LTBP1: variants seen among roughly 807,000 people sequenced by gnomAD.
LTBP1 encodes the protein latent-transforming growth factor beta-binding protein 1.
In LTBP1, 129 loss-of-function variants were observed where a neutral mutation model predicts 207.6. The observed-to-expected ratio is 0.62, with a 90% CI of 0.54 to 0.72. The LOEUF is 0.72. Among genes scored for constraint, LTBP1 ranks in the 30% least tolerant of loss-of-function variants. LTBP1 has a pLI of 0.00. For missense variants in LTBP1, 2,281 were observed against 2,217.2 expected, an observed-to-expected ratio of 1.03 and a Z score of -0.58; for synonymous variants, 963 against 833.7, an observed-to-expected ratio of 1.16 and a Z score of -2.67.
At chr2:33,375,722 T>C (rs923576031) in intron 31 of LTBP1, among the ~76,000 whole-genome samples, 151 of 150,594 alleles carry the variant, frequency 1.0e-3, no homozygotes, top group African/African-American at 3.6e-3. Context: ...TTTTTTTTTT[T>C]TAGTAGAGAC....
chr2:33,214,404 G>T (rs2090532707), intron 7 of LTBP1, among the ~76,000 whole-genome samples: 1 of 152,128 alleles, frequency 6.6e-6, no homozygotes, highest in African/African-American at 2.4e-5. Context: ...GTTCCCGTTT[G>T]TTCTCACGTT....
At chr2:33,185,530 A>C (rs977636899) in intron 5 of LTBP1, among the ~76,000 whole-genome samples, 1 of 152,024 alleles carries the variant, frequency 6.6e-6, no homozygotes, top group Non-Finnish European at 1.5e-5. Flanking sequence ...GTGTAGAGTC[A>C]GTGAAGAAGA....
intron 2 of LTBP1, among the ~76,000 whole-genome samples, chr2:33,010,604 C>G (rs1395141997): frequency 6.6e-6 from 1 of 152,046 alleles, no homozygotes; most frequent in Non-Finnish European, 1.5e-5. Context: ...CACACATTCT[C>G]TGCAGGTAAC....
At chr2:33,030,317 A>G (rs145639483) in intron 3 of LTBP1, among the ~76,000 whole-genome samples, 146 of 152,224 alleles carry the variant, frequency 9.6e-4, no homozygotes, top group African/African-American at 3.3e-3. Flanking sequence ...CACTCTCCCA[A>G]TTCCCATTCC....
At chr2:33,206,515 C>T (rs922239832) in intron 7 of LTBP1, among the ~76,000 whole-genome samples, 2 of 151,928 alleles carry the variant, frequency 1.3e-5, no homozygotes, top group African/African-American at 2.4e-5. Context: ...CCGAGGCGGG[C>T]GGATCACGAG....
chr2:32,962,801 G>C (rs1441574368), intron 2 of LTBP1, among the ~76,000 whole-genome samples: 1 of 152,236 alleles, frequency 6.6e-6, no homozygotes, highest in African/African-American at 2.4e-5. Context: ...CTGGAATGGG[G>C]CGTCAGCTCC....
At chr2:33,310,568 G>A (rs1399687199) in intron 23 of LTBP1, among the ~76,000 whole-genome samples, 1 of 152,164 alleles carries the variant, frequency 6.6e-6, no homozygotes, top group South Asian at 2.1e-4. Context: ...TAGGGAGTAT[G>A]CTGCTCTCTA....
intron 7 of LTBP1, among the ~76,000 whole-genome samples, chr2:33,204,411 C>G (rs550847002): frequency 1.3e-5 from 2 of 152,276 alleles, no homozygotes; most frequent in African/African-American, 4.8e-5. Flanking sequence ...GAAGAACATT[C>G]TAAAATTCAA....
At chr2:33,271,418 A>G (rs980505780) in intron 15 of LTBP1, among the ~76,000 whole-genome samples, 1 of 152,202 alleles carries the variant, frequency 6.6e-6, no homozygotes, top group Non-Finnish European at 1.5e-5. Context: ...AACACCAGTA[A>G]CTTGCAAAGG....
At chr2:33,312,795 C>T (rs925570934) in intron 23 of LTBP1, among the ~76,000 whole-genome samples, 7 of 152,142 alleles carry the variant, frequency 4.6e-5, no homozygotes, top group Non-Finnish European at 8.8e-5. Flanking sequence ...ACATTATTCC[C>T]TATGCAAAGT....
chr2:32,968,515 A>T (rs565807574), intron 2 of LTBP1, among the ~76,000 whole-genome samples: 1 of 152,172 alleles, frequency 6.6e-6, no homozygotes, highest in South Asian at 2.1e-4. Context: ...CAATCTTTAT[A>T]TTGAAAGTAG....
At chr2:33,027,703 G>T (rs2149285595) in intron 3 of LTBP1, among the ~76,000 whole-genome samples, 1 of 152,212 alleles carries the variant, frequency 6.6e-6, no homozygotes, top group East Asian at 1.9e-4. Context: ...GGGGCGTGGT[G>T]GCATGCGCCT....
intron 7 of LTBP1, among the ~76,000 whole-genome samples, chr2:33,192,595 T>C (rs2088026522): frequency 6.6e-6 from 1 of 152,064 alleles, no homozygotes; most frequent in South Asian, 2.1e-4. Flanking sequence ...ATAAGTGTAA[T>C]ATATTCACCT....
intron 2 of LTBP1, among the ~76,000 whole-genome samples, chr2:32,953,107 G>A (rs961772073): frequency 3.9e-5 from 6 of 152,166 alleles, no homozygotes; most frequent in Non-Finnish European, 8.8e-5. Context: ...TTTTCCATTG[G>A]CATTCAGCCC....
intron 20 of LTBP1, among the ~76,000 whole-genome samples, chr2:33,295,222 G>A (rs777556706): frequency 7.3e-5 from 11 of 150,516 alleles, no homozygotes; most frequent in Non-Finnish European, 1.6e-4. Flanking sequence ...CAATGTATAC[G>A]AACTCTTTAT....
intron 31 of LTBP1, among the ~76,000 whole-genome samples, chr2:33,382,306 G>A (rs1244935979): frequency 6.6e-6 from 1 of 151,802 alleles, no homozygotes; most frequent in African/African-American, 2.4e-5. Flanking sequence ...TATTGTTCAG[G>A]CTGCTCTCGA....
At chr2:33,333,034 C>T (rs1218541702) in intron 24 of LTBP1, 1 of 152,230 alleles carries the variant, frequency 6.6e-6, no homozygotes, top group Non-Finnish European at 1.5e-5. Context: ...GAATTTGCAA[C>T]TTCCCACAGG....
intron 5 of LTBP1, 58 bp from the exon 6 acceptor site, chr2:33,186,798 C>A: frequency 7.4e-7 from 1 of 1,348,098 alleles, no homozygotes; most frequent in Non-Finnish European, 1.1e-6. Context: ...GTTGGTTGAT[C>A]ATTACTTAGC....
intron 2 of LTBP1, among the ~76,000 whole-genome samples, chr2:32,970,346 A>G (rs904464551): frequency 3.9e-5 from 6 of 151,996 alleles, no homozygotes; most frequent in Admixed American, 6.5e-5. Flanking sequence ...TCCAGGGCCT[A>G]TGTTATCTTT....
Sources: allele counts gnomAD v4.1 joint callset (sites outside exome capture counted in the v4.1 genomes callset), GRCh38; gene constraint gnomAD v4.1.1; transcripts MANE v1.5; gene names NCBI Gene and HGNC (gene_info 2026-07-23, HGNC 2026-07-21).